MAN2A1: variants seen among roughly 807,000 people sequenced by gnomAD.
MAN2A1 encodes alpha-mannosidase 2.
Under a neutral mutation model 142.6 loss-of-function variants are expected in MAN2A1, and 76 were observed. That is an observed-to-expected ratio of 0.53 (90% CI 0.44 to 0.65). The LOEUF is 0.65. Ranked by LOEUF, MAN2A1 falls within the 30% of genes least tolerant of loss-of-function variation. MAN2A1 has a pLI of 0.00. For missense variants in MAN2A1, 1,311 were observed against 1,365.1 expected, an observed-to-expected ratio of 0.96 and a Z score of 0.62; for synonymous variants, 559 against 473.2, an observed-to-expected ratio of 1.18 and a Z score of -2.35.
rs368289771 is a variant in MAN2A1 at position 109,866,762 on chromosome 5, A to C, written c.3283-84A>C. The C allele has an allele frequency of 1.6e-4, 134 of 854,940 alleles. No individual in the cohort carries two copies. In the African/African-American group the frequency reaches 2.1e-3, roughly 13 times the overall value. The allele number at this position is 854,940 out of a possible 1,614,324, so 53.0% of individuals were successfully genotyped here. On this transcript the variant is annotated intron_variant, in intron 21 of 21. Coordinates refer to ENST00000261483, the MANE Select transcript of MAN2A1 (RefSeq NM_002372.4). The stretch of plus-strand genomic sequence containing the variant: ...TCAACATACTGTTTTATTCCTTCTC[A>C]TACTAATTTTCACAGAATATGTAGT...
At chr5:109,725,666 A>G (rs1012858386) in intron 3 of MAN2A1, among the ~76,000 whole-genome samples, 3 of 152,192 alleles carry the variant, frequency 2.0e-5, no homozygotes, top group African/African-American at 7.2e-5. Flanking sequence ...GCTCAGGGCC[A>G]GGTAACTCTT....
intron 3 of MAN2A1, among the ~76,000 whole-genome samples, chr5:109,719,529 A>T (rs1751545630): frequency 6.6e-6 from 1 of 152,156 alleles, no homozygotes; most frequent in Non-Finnish European, 1.5e-5. Flanking sequence ...TCTTTGTATA[A>T]TACTCCTAAA....
rs532948311 is a variant in MAN2A1 at position 109,722,383 on chromosome 5, G to A, written c.535+6119G>A. 1.1e-4 allele frequency among the ~76,000 whole-genome samples: 17 copies of A among 152,204 alleles called. No homozygotes were observed. In the South Asian group the frequency reaches 3.3e-3, roughly 30 times the overall value. ...GCCACATTTTCTACAATTAGAAAGT[G>A]ATTTACAAGCAATATTTTCCAGCTT... On this transcript the variant is annotated intron_variant, in intron 3 of 21. Coordinates refer to ENST00000261483, the MANE Select transcript of MAN2A1 (RefSeq NM_002372.4).
chr5:109,835,868 G>T (rs1755042864), intron 16 of MAN2A1, among the ~76,000 whole-genome samples: 1 of 152,142 alleles, frequency 6.6e-6, no homozygotes, highest in Non-Finnish European at 1.5e-5. Context: ...GGTTGAATTA[G>T]GCGGCTTCAG....
chr5:109,713,457 G>T, intron 1 of MAN2A1, 63 bp from the exon 2 acceptor site: 1 of 1,388,386 alleles, frequency 7.2e-7, no homozygotes, highest in Middle Eastern at 1.9e-4. Flanking sequence ...AAAAAAAAAT[G>T]TGTATGCCTC....
chr5:109,774,759 CTGTTTTTTTGTGTT>C lies in MAN2A1; in HGVS notation c.1197-19_1197-6del. The C allele has an allele frequency of 2.6e-6, 4 of 1,551,666 alleles. No individual in the cohort carries two copies. Among genetic ancestry groups the C allele is most frequent in the Admixed American group, 2.0e-5 (1 of 51,064 alleles). Reference sequence around the variant, plus strand: ...TTTTTCTTAGTCAAATTCATATTTGCTGTTTTTTTGTGTTTGTTTTTTTTGTAGGGCTCGGATGC... The same window carrying C: ...TTTTTCTTAGTCAAATTCATATTTGCTGTTTTTTTTGTAGGGCTCGGATGC... On this transcript the variant is annotated splice_polypyrimidine_tract_variant and intron_variant, in intron 7 of 21. Transcript: ENST00000261483.
chr5:109,774,938 G>C lies in MAN2A1; in HGVS notation c.1347G>C (p.Met449Ile). The change falls in exon 8 of 22, where the codon ATG becomes ATC. Residue 449 changes from methionine to isoleucine, a missense_variant. Met to Ile is a conservative substitution (Grantham distance 10). Transcript: ENST00000261483. ...FKNYQQLFDYMNSQSKFKVKI... is the reference protein window; with the variant it reads ...FKNYQQLFDYINSQSKFKVKI... ...ATTATCAGCAGCTTTTTGATTATAT[G>C]AATTCTCAGTCCAAGTTTAAAGTTA... 1 of 1,607,716 alleles carries C rather than the reference G, an allele frequency of 6.2e-7. No individual in the cohort carries two copies. Among genetic ancestry groups the C allele is most frequent in the Non-Finnish European group, 8.5e-7 (1 of 1,176,654 alleles).
chr5:109,757,354 A>T (rs1752715843), intron 5 of MAN2A1, among the ~76,000 whole-genome samples: 3 of 152,302 alleles, frequency 2.0e-5, no homozygotes, highest in African/African-American at 7.2e-5. Flanking sequence ...TAAATCTTAA[A>T]TGTAGAGGTC....
intron 12 of MAN2A1, among the ~76,000 whole-genome samples, chr5:109,805,688 C>G (rs1013908658): frequency 6.6e-6 from 1 of 152,162 alleles, no homozygotes; most frequent in Non-Finnish European, 1.5e-5. Context: ...CATTTGCTCT[C>G]TATATTTGGC....
intron 4 of MAN2A1, among the ~76,000 whole-genome samples, chr5:109,754,877 T>C (rs768300376): frequency 1.3e-5 from 2 of 152,238 alleles, no homozygotes; most frequent in Non-Finnish European, 2.9e-5. Context: ...GGCGCATGCC[T>C]GTAATCCCGG....
At chr5:109,760,701 G>C (rs1451295804) in intron 5 of MAN2A1, among the ~76,000 whole-genome samples, 4 of 152,066 alleles carry the variant, frequency 2.6e-5, no homozygotes, top group Non-Finnish European at 4.4e-5. Context: ...TCTCATTGTG[G>C]TTTTGATTTG....
At chr5:109,707,184 A>T (rs1415760084) in intron 1 of MAN2A1, among the ~76,000 whole-genome samples, 1 of 152,120 alleles carries the variant, frequency 6.6e-6, no homozygotes, top group Non-Finnish European at 1.5e-5. Flanking sequence ...TATTTCCCAA[A>T]CAGCCCATGA....
At chr5:109,863,463 C>T (rs1412275406) in intron 20 of MAN2A1, 1 of 152,206 alleles carries the variant, frequency 6.6e-6, no homozygotes, top group Non-Finnish European at 1.5e-5. Context: ...AGCTGTCTGA[C>T]TCCCCACTCA....
At chr5:109,782,810 AT>A (rs1241648279) in intron 9 of MAN2A1, among the ~76,000 whole-genome samples, 1 of 152,094 alleles carries the variant, frequency 6.6e-6, no homozygotes, top group Non-Finnish European at 1.5e-5. Flanking sequence ...AGTTGTACAT[AT>A]TTATGGAGTA....
chr5:109,765,540 G>A (rs1416386810), intron 5 of MAN2A1, among the ~76,000 whole-genome samples: 1 of 152,080 alleles, frequency 6.6e-6, no homozygotes, highest in East Asian at 1.9e-4. Context: ...TCTCCACTGT[G>A]TTAAATTTTT....
At chr5:109,757,077 C>A (rs573868661) in intron 5 of MAN2A1, among the ~76,000 whole-genome samples, 1 of 152,294 alleles carries the variant, frequency 6.6e-6, no homozygotes, top group Admixed American at 6.5e-5. Flanking sequence ...TTCCTCTGGA[C>A]TTACTCTGTA....
intron 12 of MAN2A1, among the ~76,000 whole-genome samples, chr5:109,813,320 G>A (rs1266190484): frequency 6.6e-6 from 1 of 152,204 alleles, no homozygotes; most frequent in African/African-American, 2.4e-5. Flanking sequence ...ATCTCCACAG[G>A]AAACTTCAGC....
intron 16 of MAN2A1, among the ~76,000 whole-genome samples, chr5:109,825,009 A>G (rs1367356559): frequency 6.6e-6 from 1 of 152,214 alleles, no homozygotes; most frequent in Non-Finnish European, 1.5e-5. Context: ...CAGGTGGGAA[A>G]AATAATGCTA....
intron 12 of MAN2A1, among the ~76,000 whole-genome samples, chr5:109,810,803 TA>T (rs1379877991): frequency 1.4e-4 from 21 of 152,216 alleles, no homozygotes; most frequent in African/African-American, 4.6e-4. Context: ...TATTATTTTT[TA>T]TCTGGCTTTT....
Sources: allele counts gnomAD v4.1 joint callset (sites outside exome capture counted in the v4.1 genomes callset), GRCh38; gene constraint gnomAD v4.1.1; transcripts MANE v1.5; gene names NCBI Gene and HGNC (gene_info 2026-07-23, HGNC 2026-07-21).